MTUS2: variants seen among roughly 807,000 people sequenced by gnomAD.
The protein encoded by MTUS2 is microtubule associated scaffold protein 2, also known as microtubule-associated tumor suppressor candidate 2.
MTUS2 carries 40 observed loss-of-function variants against 114.1 expected under a neutral mutation model. The ratio of observed to expected loss-of-function variants is 0.35; its 90% CI spans 0.27 to 0.46. The LOEUF is 0.46. MTUS2 is among the 20% of genes least tolerant of loss of function. MTUS2 has a pLI of 1.00. For synonymous variants in MTUS2, 688 were observed against 672.0 expected, an observed-to-expected ratio of 1.02 and a Z score of -0.37; for missense variants, 1,679 against 1,705.4, an observed-to-expected ratio of 0.98 and a Z score of 0.27.
intron 5 of MTUS2, among the ~76,000 whole-genome samples, chr13:29,133,304 C>A (rs1891844165): frequency 6.6e-6 from 1 of 152,088 alleles, no homozygotes; most frequent in Non-Finnish European, 1.5e-5. Flanking sequence ...TTCTCTCATT[C>A]TGTGGGTTGC....
intron 5 of MTUS2, among the ~76,000 whole-genome samples, chr13:29,205,161 T>C (rs1257760707): frequency 1.3e-5 from 2 of 152,226 alleles, no homozygotes; most frequent in Non-Finnish European, 2.9e-5. Flanking sequence ...ACTTGGATGC[T>C]CTTTCAAAGA....
intron 2 of MTUS2, among the ~76,000 whole-genome samples, chr13:28,868,679 T>G (rs985871701): frequency 2.0e-5 from 3 of 152,312 alleles, no homozygotes; most frequent in African/African-American, 7.2e-5. Context: ...CCACCATCAG[T>G]GTCATTCTCT....
At chr13:29,175,098 T>C (rs138966672) in intron 5 of MTUS2, among the ~76,000 whole-genome samples, 18 of 152,342 alleles carry the variant, frequency 1.2e-4, no homozygotes, top group African/African-American at 4.1e-4. Context: ...TCTTAACATA[T>C]TGTTTAATTC....
At chr13:28,856,584 G>A (rs937763958) in intron 2 of MTUS2, among the ~76,000 whole-genome samples, 43 of 152,216 alleles carry the variant, frequency 2.8e-4, no homozygotes, top group Non-Finnish European at 3.4e-4. Context: ...AGCAACAACA[G>A]CAGTGGTGCT....
chr13:28,920,356 G>A (rs147380781), intron 2 of MTUS2, among the ~76,000 whole-genome samples: 241 of 152,328 alleles, frequency 1.6e-3, no homozygotes, highest in African/African-American at 5.5e-3. Flanking sequence ...AAAATCGGAA[G>A]AATTCTCTGG....
intron 5 of MTUS2, among the ~76,000 whole-genome samples, chr13:29,262,050 T>C (rs1413744386): frequency 6.6e-6 from 1 of 152,208 alleles, no homozygotes; most frequent in Non-Finnish European, 1.5e-5. Flanking sequence ...ATTTCCCAAA[T>C]CAAAAGAAAG....
intron 8 of MTUS2, among the ~76,000 whole-genome samples, chr13:29,389,409 ACG>A (rs1491228247): frequency 7.7e-5 from 7 of 91,096 alleles, no homozygotes; most frequent in African/African-American, 3.5e-4. Flanking sequence ...ATATGTATAC[ACG>A]TGTGTGTGTA....
intron 4 of MTUS2, among the ~76,000 whole-genome samples, chr13:29,059,228 ATTTTTT>A (rs35369352): frequency 6.2e-4 from 60 of 97,144 alleles, no homozygotes; most frequent in African/African-American, 2.1e-3. Flanking sequence ...TATTCTTTGG[ATTTTTT>A]TTTTTTTTTT....
intron 5 of MTUS2, among the ~76,000 whole-genome samples, chr13:29,235,165 C>T (rs9551633): frequency 0.07 from 10,699 of 152,132 alleles, 450 homozygotes; most frequent in African/African-American, 0.1. Context: ...GGCACGATCT[C>T]AGCTCACCGC....
intron 8 of MTUS2, among the ~76,000 whole-genome samples, chr13:29,390,438 G>T (rs1156534724): frequency 6.6e-6 from 1 of 151,776 alleles, no homozygotes. Context: ...TGGATCACTT[G>T]AGGTCAGGAG....
intron 5 of MTUS2, among the ~76,000 whole-genome samples, chr13:29,212,867 C>T (rs1292092336): frequency 2.0e-5 from 3 of 152,094 alleles, no homozygotes; most frequent in Non-Finnish European, 4.4e-5. Context: ...GTCACATAGG[C>T]ATGACTGACT....
rs1350692493 is a variant in MTUS2, at chr13:28,826,315, T to G, written c.-316+5704T>G. Among the ~76,000 whole-genome samples, 7 of 152,238 alleles carry G rather than the reference T, an allele frequency of 4.6e-5. No homozygotes were observed. The South Asian group carries it at 1.2e-3, about 27-fold the overall frequency. On this transcript the variant is annotated intron_variant, in intron 1 of 15. Transcript: ENST00000612955. ...TAGATAAAAAATGATTACTTTGGTCTCTTTATTTCTATTTTTTATTATCAG... is the reference window on the plus strand; with the variant it reads ...TAGATAAAAAATGATTACTTTGGTCGCTTTATTTCTATTTTTTATTATCAG...
In MTUS2 at chr13:29,026,500, T is replaced by C. The variant is rs754078205; in HGVS notation, c.1802T>C (p.Val601Ala). Residue 601 changes from valine (V) to alanine (A), a missense_variant, in exon 3 of 16, where the codon GTC becomes GCC. Val to Ala is a moderately conservative substitution (Grantham distance 64). Coordinates refer to ENST00000612955, the MANE Select transcript of MTUS2 (RefSeq NM_001033602.4). ...TGCCCCAGTGGGATCCCCAAGCCTG[T>C]CTTCACACATTCCAAGGACACACCT... ...NTCPSGIPKP[V>A]FTHSKDTPSS... The C allele has an allele frequency of 1.2e-6, 2 of 1,613,988 alleles. No homozygotes were observed.
chr13:29,504,838 G>A lies in MTUS2; in HGVS notation c.*1632G>A, dbSNP rs1157448684. 4.3e-6 allele frequency: 1 copy of A among 232,828 alleles called. No homozygotes were observed. The highest frequency in any genetic ancestry group is 8.5e-6 in the Non-Finnish European group (1 of 117,860). The allele number at this position is 232,828 out of a possible 1,614,324, so 14.4% of individuals were successfully genotyped here. A position where few individuals can be genotyped will look rare whatever the true frequency, so the allele number is the denominator to read the frequency against. On this transcript the variant is annotated 3_prime_UTR_variant, in exon 16 of 16. Coordinates refer to ENST00000612955, the MANE Select transcript of MTUS2 (RefSeq NM_001033602.4). Reference sequence around the variant, plus strand: ...CCCAAGGCGAGAAGAACCATGAGGGGGTCCTGCAGGGGCCGGAGCCATGGA... The same window carrying A: ...CCCAAGGCGAGAAGAACCATGAGGGAGTCCTGCAGGGGCCGGAGCCATGGA...
intron 8 of MTUS2, among the ~76,000 whole-genome samples, chr13:29,431,134 G>C (rs1010225881): frequency 2.0e-5 from 3 of 152,192 alleles, no homozygotes; most frequent in African/African-American, 7.2e-5. Context: ...AAAGTAATCA[G>C]TTTCAGAGAT....
At position 29,034,075 on chromosome 13, in the gene MTUS2, C is replaced by A; in HGVS notation, c.2396C>A (p.Pro799Gln). ...AGGTCTTCAGCGAGCGCCATCCACC[C>A]ACCAGGACCCATAACAACAGCCACC... Reference protein sequence around the residue: ...SQRSSASAIHPPGPITTATSL... With the variant: ...SQRSSASAIHQPGPITTATSL... The change falls in exon 4 of 16, where the codon CCA (proline) becomes CAA (glutamine). Residue 799 changes from proline (P) to glutamine (Q), a missense_variant. By Grantham distance (76) the Pro-to-Gln change is moderately conservative. This residue lies in a region of MTUS2 where 822 missense variants were observed against 899.7 expected (regional missense o/e 0.91). Transcript: ENST00000612955. 1 of 1,613,986 alleles carries A rather than the reference C, an allele frequency of 6.2e-7. No individual in the cohort carries two copies.
chr13:29,490,792 C>T (rs1166688398), intron 11 of MTUS2, among the ~76,000 whole-genome samples: 3 of 152,276 alleles, frequency 2.0e-5, no homozygotes, highest in South Asian at 4.1e-4. Context: ...CTCGCAGCTC[C>T]GCTGCTTTCC....
chr13:28,971,239 T>C (rs572860327), intron 2 of MTUS2, among the ~76,000 whole-genome samples: 1 of 152,336 alleles, frequency 6.6e-6, no homozygotes, highest in South Asian at 2.1e-4. Context: ...ATATCCTGAC[T>C]CATTACTGGT....
intron 12 of MTUS2, among the ~76,000 whole-genome samples, chr13:29,494,697 C>A (rs751654362): frequency 1.3e-5 from 2 of 152,010 alleles, no homozygotes; most frequent in Non-Finnish European, 2.9e-5. Context: ...ACTAATGCAC[C>A]GGCATTTGCA....
Sources: allele counts gnomAD v4.1 joint callset (sites outside exome capture counted in the v4.1 genomes callset), GRCh38; gene constraint gnomAD v4.1.1; regional missense constraint gnomAD v4.1.1; transcripts MANE v1.5; gene names NCBI Gene and HGNC (gene_info 2026-07-23, HGNC 2026-07-21).